CADPS: variants seen among roughly 807,000 people sequenced by gnomAD.
The protein encoded by CADPS is calcium dependent secretion activator, also known as calcium-dependent secretion activator 1.
CADPS carries 57 observed loss-of-function variants against 167.3 expected under a neutral mutation model. That is an observed-to-expected ratio of 0.34 (90% CI 0.28 to 0.42). The LOEUF is 0.42. Among genes scored for constraint, CADPS ranks in the 20% least tolerant of loss-of-function variants. CADPS has a pLI of 1.00. For synonymous variants in CADPS, 676 were observed against 635.3 expected (o/e 1.06, Z -0.96); for missense variants, 1,414 against 1,738.1 (o/e 0.81, Z 3.32).
At chr3:62,556,047 A>G (rs1248226696) in intron 10 of CADPS, among the ~76,000 whole-genome samples, 1 of 152,134 alleles carries the variant, frequency 6.6e-6, no homozygotes, top group Non-Finnish European at 1.5e-5. Context: ...CTAGCCTTCT[A>G]CTTAAAAATA....
chr3:62,729,318 C>G (rs919917616), intron 3 of CADPS, among the ~76,000 whole-genome samples: 2 of 151,832 alleles, frequency 1.3e-5, no homozygotes, highest in Non-Finnish European at 2.9e-5. Context: ...ATGGTGGAAT[C>G]CATTAAGAAA....
At chr3:62,460,148 T>G (rs1467824971) in intron 26 of CADPS, among the ~76,000 whole-genome samples, 2 of 152,192 alleles carry the variant, frequency 1.3e-5, no homozygotes, top group Non-Finnish European at 2.9e-5. Context: ...CACCATCACT[T>G]ATCTATAAAA....
intron 1 of CADPS, among the ~76,000 whole-genome samples, chr3:62,860,732 G>T (rs1301790596): frequency 6.6e-6 from 1 of 152,170 alleles, no homozygotes; most frequent in Non-Finnish European, 1.5e-5. Context: ...ACCAAAGAAT[G>T]TGCAAGAAGA....
chr3:62,817,755 G>C (rs562133755), intron 1 of CADPS, among the ~76,000 whole-genome samples: 2 of 152,252 alleles, frequency 1.3e-5, no homozygotes, highest in South Asian at 4.2e-4. Flanking sequence ...CCAACATTTT[G>C]GGTCAGGGAG....
chr3:62,719,795 C>T (rs926528417), intron 3 of CADPS, among the ~76,000 whole-genome samples: 4 of 152,230 alleles, frequency 2.6e-5, no homozygotes, highest in Non-Finnish European at 5.9e-5. Context: ...ATTTCCAGCT[C>T]TCCACCTTCT....
At chr3:62,746,100 G>A (rs1403496697) in intron 3 of CADPS, among the ~76,000 whole-genome samples, 1 of 152,112 alleles carries the variant, frequency 6.6e-6, no homozygotes, top group African/African-American at 2.4e-5. Flanking sequence ...GAAAGCCTGT[G>A]GGCAAACAAT....
At chr3:62,803,335 T>C (rs753069603) in intron 1 of CADPS, among the ~76,000 whole-genome samples, 8 of 26,628 alleles carry the variant, frequency 3.0e-4, no homozygotes, top group Non-Finnish European at 1.8e-3. Flanking sequence ...ATGCTTCCTT[T>C]TTTTTTTTTT....
At chr3:62,857,480 C>G (rs1166855213) in intron 1 of CADPS, among the ~76,000 whole-genome samples, 2 of 151,962 alleles carry the variant, frequency 1.3e-5, no homozygotes, top group Non-Finnish European at 2.9e-5. Flanking sequence ...AAAGAGAAAT[C>G]AATACAACCA....
intron 1 of CADPS, among the ~76,000 whole-genome samples, chr3:62,787,306 C>T (rs1174948736): frequency 1.3e-5 from 2 of 151,812 alleles, no homozygotes; most frequent in African/African-American, 4.8e-5. Context: ...CACACACATG[C>T]AAAAAACCAA....
chr3:62,521,071 C>G (rs928331253), intron 13 of CADPS, among the ~76,000 whole-genome samples: 9 of 152,260 alleles, frequency 5.9e-5, no homozygotes, highest in Admixed American at 4.6e-4. Flanking sequence ...CTCAGCATCA[C>G]CTGGTGACAA....
chr3:62,715,536 T>G (rs1164313968), intron 3 of CADPS, among the ~76,000 whole-genome samples: 2 of 151,044 alleles, frequency 1.3e-5, no homozygotes, highest in Non-Finnish European at 2.9e-5. Context: ...TTGCCACATA[T>G]TAACATATGC....
At chr3:62,418,324 CTTTTTTTTT>C (rs1227861106) in intron 28 of CADPS, among the ~76,000 whole-genome samples, 2 of 115,064 alleles carry the variant, frequency 1.7e-5, no homozygotes, top group Non-Finnish European at 3.5e-5. Flanking sequence ...TTTTTTCTCT[CTTTTTTTTT>C]TTTTTTTTTT....
intron 6 of CADPS, among the ~76,000 whole-genome samples, chr3:62,631,521 G>T (rs2065271255): frequency 1.3e-5 from 2 of 152,264 alleles, no homozygotes; most frequent in Admixed American, 1.3e-4. Flanking sequence ...TTCCACGCAA[G>T]ATCCTGCACA....
chr3:62,695,543 C>T (rs552683780), intron 3 of CADPS, among the ~76,000 whole-genome samples: 4 of 152,208 alleles, frequency 2.6e-5, no homozygotes, highest in Admixed American at 2.6e-4. Context: ...AGGGTTGGTA[C>T]CTGTGAAATT....
Position 62,458,223 on chromosome 3 carries a change from C to T in CADPS, c.3636+7144G>A, listed in dbSNP as rs1039078157. Among the ~76,000 whole-genome samples, 7 of 152,140 alleles carry T rather than the reference C, an allele frequency of 4.6e-5. No homozygotes were observed. The highest frequency in any genetic ancestry group is 1.0e-4 in the Non-Finnish European group (7 of 68,026). On this transcript the variant is annotated intron_variant, in intron 26 of 29. Transcript: ENST00000383710. This position sits in a 1 kb window ranked among gnomAD's most constrained non-coding sequence, Gnocchi z 4.6. ...GTGTTATGAAAGGGCTACTGTTTATCTCTTATTAGCCCAGTGGCTCTCTGA... is the reference window on the plus strand; with the variant it reads ...GTGTTATGAAAGGGCTACTGTTTATTTCTTATTAGCCCAGTGGCTCTCTGA...
rs1170440424 is a variant in CADPS, at chr3:62,514,970, G to A, written c.2581+1089C>T. Among the ~76,000 whole-genome samples the A allele has an allele frequency of 6.6e-6, 1 of 152,094 alleles. No homozygotes were observed. The highest frequency in any genetic ancestry group is 1.5e-5 in the Non-Finnish European group (1 of 68,004). On this transcript the variant is annotated intron_variant, in intron 16 of 29. Coordinates refer to ENST00000383710, the MANE Select transcript of CADPS (RefSeq NM_003716.4). The surrounding 1 kb of genome is among the most constrained non-coding windows in gnomAD (Gnocchi z 4.2). ...TGTTTCTCCCTGGATGCATAACAGT[G>A]AATTCATTACCACTGGTACACAATT...
At chr3:62,427,004 G>A (rs1275935426) in intron 28 of CADPS, among the ~76,000 whole-genome samples, 14 of 151,484 alleles carry the variant, frequency 9.2e-5, no homozygotes, top group African/African-American at 3.4e-4. Flanking sequence ...GAACACAGGA[G>A]GCAGAGCTTG....
intron 9 of CADPS, among the ~76,000 whole-genome samples, chr3:62,559,016 G>A (rs1032884350): frequency 9.2e-5 from 14 of 152,224 alleles, no homozygotes; most frequent in Non-Finnish European, 2.9e-5. Context: ...TGTCCGTTCT[G>A]TAAGCCTCAG....
intron 2 of CADPS, among the ~76,000 whole-genome samples, chr3:62,759,404 C>T (rs2084813119): frequency 6.6e-6 from 1 of 152,100 alleles, no homozygotes; most frequent in Non-Finnish European, 1.5e-5. Flanking sequence ...TATATTTTTT[C>T]ATTACCATCC....
Sources: allele counts gnomAD v4.1 joint callset (sites outside exome capture counted in the v4.1 genomes callset), GRCh38; gene constraint gnomAD v4.1.1; non-coding constraint Gnocchi (gnomAD v3.1); transcripts MANE v1.5; gene names NCBI Gene and HGNC (gene_info 2026-07-23, HGNC 2026-07-21).